The following TMEM150C variants were observed in gnomAD, a reference collection of about 807,000 sequenced individuals.
TMEM150C encodes transmembrane protein 150C.
Under a neutral mutation model 29.9 loss-of-function variants are expected in TMEM150C, and 10 were observed. The observed-to-expected ratio is 0.33, with a 90% CI of 0.21 to 0.57. TMEM150C has a LOEUF of 0.57. Ranked by LOEUF, TMEM150C falls within the 20% of genes least tolerant of loss-of-function variation. The pLI is 0.88. For missense variants in TMEM150C, 251 were observed against 303.6 expected, an observed-to-expected ratio of 0.83 and a Z score of 1.29; for synonymous variants, 101 against 112.5, an observed-to-expected ratio of 0.90 and a Z score of 0.64.
intron 1 of TMEM150C, among the ~76,000 whole-genome samples, chr4:82,536,926 A>C (rs1378742562): frequency 1.3e-5 from 2 of 152,190 alleles, no homozygotes; most frequent in Non-Finnish European, 2.9e-5. Flanking sequence ...TTACATTAGA[A>C]GAAATACAAA....
intron 1 of TMEM150C, among the ~76,000 whole-genome samples, chr4:82,512,218 T>C (rs1274553825): frequency 6.6e-6 from 1 of 152,166 alleles, no homozygotes; most frequent in Non-Finnish European, 1.5e-5. Flanking sequence ...AGTGAAAATA[T>C]GGTACCTAGT....
chr4:82,494,834 A>G (rs1723486881), intron 6 of TMEM150C: 1 of 427,208 alleles, frequency 2.3e-6, no homozygotes, highest in South Asian at 2.2e-5. Flanking sequence ...TACTCAAAAA[A>G]TCTTTTTCCT....
At chr4:82,492,830 C>T (rs1723406483) in intron 6 of TMEM150C, among the ~76,000 whole-genome samples, 1 of 121,576 alleles carries the variant, frequency 8.2e-6, no homozygotes, top group Non-Finnish European at 1.7e-5. Flanking sequence ...CTATCCATAT[C>T]CACATCTTCA....
In TMEM150C at chr4:82,507,725, CTCTTTTTTTTTTTTTTTT is replaced by C. The variant is rs1419645143; in HGVS notation, c.-10-3076_-10-3059del. On this transcript the variant is annotated intron_variant, in intron 1 of 7. Coordinates refer to ENST00000449862, the MANE Select transcript of TMEM150C (RefSeq NM_001080506.3). ...TATTAAATTAACTCTCTCTCTCTCT[CTCTTTTTTTTTTTTTTTT>C]TTTTTTTTTTTTTTTTTTTTTTTGA... is the stretch of plus-strand genomic sequence containing the variant. Among the ~76,000 whole-genome samples the C allele has an allele frequency of 3.6e-3, 100 of 27,842 alleles. 2 individuals are homozygous for C. Among genetic ancestry groups the C allele is most frequent in the African/African-American group, 0.023 (92 of 4,028 alleles). 18.3% of individuals were successfully genotyped at this position (27,842 alleles called of 152,430 possible).
At chr4:82,523,269 C>T (rs183282512) in intron 1 of TMEM150C, among the ~76,000 whole-genome samples, 6 of 152,224 alleles carry the variant, frequency 3.9e-5, no homozygotes, top group Non-Finnish European at 7.4e-5. Context: ...AGGAGGTCCC[C>T]ACCTGTCATG....
At chr4:82,548,671 G>A (rs145307563) in intron 1 of TMEM150C, among the ~76,000 whole-genome samples, 2 of 152,326 alleles carry the variant, frequency 1.3e-5, no homozygotes, top group Non-Finnish European at 2.9e-5. Context: ...GGAAATAAGT[G>A]CAGCAGCTGG....
rs1272878946 is a variant in TMEM150C at position 82,489,916 on chromosome 4, GT to G, written c.541+144del. 2.2e-5 allele frequency: 16 copies of G among 739,798 alleles called. No individual in the cohort carries two copies. In the African/African-American group the frequency reaches 2.8e-4, roughly 13 times the overall value. 45.8% of individuals were successfully genotyped at this position (739,798 alleles called of 1,614,324 possible). A position where few individuals can be genotyped will look rare whatever the true frequency, so the allele number is the denominator to read the frequency against. On this transcript the variant is annotated intron_variant, in intron 7 of 7. Transcript: ENST00000449862. Reference sequence around the variant, plus strand: ...TTTGGCATGAAAAATTGGTCTGAGGGTTTTTGTTTTTATACCTGTTTACCTT... The same window carrying G: ...TTTGGCATGAAAAATTGGTCTGAGGGTTTTGTTTTTATACCTGTTTACCTT...
At chr4:82,540,114 C>CTTTTTTTTTTTTTTTT (rs577728662) in intron 1 of TMEM150C, among the ~76,000 whole-genome samples, 1 of 47,254 alleles carries the variant, frequency 2.1e-5, no homozygotes, top group African/African-American at 5.6e-5. Context: ...TCTACCTATT[C>CTTTTTTTTTTTTTTTT]TTTTTTTTTT....
intron 1 of TMEM150C, among the ~76,000 whole-genome samples, chr4:82,555,473 G>A (rs563933978): frequency 6.6e-6 from 1 of 152,270 alleles, no homozygotes; most frequent in Non-Finnish European, 1.5e-5. Context: ...TTTCAAGGGC[G>A]TTAACCTTCA....
chr4:82,520,041 C>T (rs1297166622), intron 1 of TMEM150C, among the ~76,000 whole-genome samples: 1 of 152,104 alleles, frequency 6.6e-6, no homozygotes. Context: ...GTTTGTGCAC[C>T]ATCTAGTGAA....
intron 1 of TMEM150C, among the ~76,000 whole-genome samples, chr4:82,551,623 C>T (rs1248055653): frequency 6.6e-6 from 1 of 152,124 alleles, no homozygotes; most frequent in Non-Finnish European, 1.5e-5. Context: ...TTTCACGTGA[C>T]TACTCTTTTT....
At chr4:82,500,951 A>G (rs1172639284) in intron 5 of TMEM150C, among the ~76,000 whole-genome samples, 2 of 152,230 alleles carry the variant, frequency 1.3e-5, no homozygotes, top group African/African-American at 2.4e-5. Context: ...AATAGAAATG[A>G]TGGCTATTAA....
chr4:82,536,356 CAA>C (rs567469021), intron 1 of TMEM150C, among the ~76,000 whole-genome samples: 36 of 80,488 alleles, frequency 4.5e-4, no homozygotes, highest in East Asian at 1.6e-3. Context: ...GACTCCATCT[CAA>C]AAAAAAAAAA....
chr4:82,518,129 A>G (rs1267923800), intron 1 of TMEM150C, among the ~76,000 whole-genome samples: 1 of 152,084 alleles, frequency 6.6e-6, no homozygotes, highest in Non-Finnish European at 1.5e-5. Context: ...CAGCCTGGCC[A>G]ACATGGTGAA....
intron 1 of TMEM150C, among the ~76,000 whole-genome samples, chr4:82,512,133 G>A (rs1166993778): frequency 6.6e-6 from 1 of 152,142 alleles, no homozygotes; most frequent in Non-Finnish European, 1.5e-5. Context: ...AGCAGCAAAT[G>A]GGAAGAATTT....
chr4:82,510,176 G>A (rs762535245), intron 1 of TMEM150C, among the ~76,000 whole-genome samples: 2 of 152,224 alleles, frequency 1.3e-5, no homozygotes, highest in African/African-American at 4.8e-5. Flanking sequence ...CTACTTGGGA[G>A]GCTGAGGCAG....
chr4:82,504,954 T>C (rs561436767), intron 1 of TMEM150C, among the ~76,000 whole-genome samples: 8 of 151,974 alleles, frequency 5.3e-5, no homozygotes, highest in African/African-American at 7.3e-5. Flanking sequence ...GGCGTGAACC[T>C]AGGAGGCGGA....
intron 5 of TMEM150C, among the ~76,000 whole-genome samples, chr4:82,499,736 A>AAAAAAAAAAAAAAC (rs1723672261): frequency 6.6e-6 from 1 of 151,426 alleles, no homozygotes; most frequent in African/African-American, 2.4e-5. Context: ...AAAAAAAAAA[A>AAAAAAAAAAAAAAC]AAAAAAAAGC....
At chr4:82,503,296 T>G (rs1249201911) in intron 2 of TMEM150C, among the ~76,000 whole-genome samples, 184 bp from the exon 3 acceptor site, 4 of 152,200 alleles carry the variant, frequency 2.6e-5, no homozygotes. Flanking sequence ...ATTAGTAATA[T>G]TTCCTTAATT....
Sources: allele counts gnomAD v4.1 joint callset (sites outside exome capture counted in the v4.1 genomes callset), GRCh38; gene constraint gnomAD v4.1.1; transcripts MANE v1.5; gene names NCBI Gene and HGNC (gene_info 2026-07-23, HGNC 2026-07-21).